DTNBP1: variants seen among roughly 807,000 people sequenced by gnomAD.
DTNBP1 encodes the protein dystrobrevin binding protein 1, also known as dysbindin.
DTNBP1 carries 35 observed loss-of-function variants against 42.8 expected under a neutral mutation model. That is an observed-to-expected ratio of 0.82 (90% CI 0.63 to 1.09). The LOEUF is 1.09. DTNBP1 is among the 50% of genes least tolerant of loss of function. The pLI, the probability that DTNBP1 is intolerant of heterozygous loss-of-function variation, is 0.00. For missense variants in DTNBP1, 457 were observed against 424.2 expected (o/e 1.08, Z -0.68); for synonymous variants, 171 against 162.2 (o/e 1.05, Z -0.41).
chr6:15,556,121 GGGTTAAAATGCCCAATTTAGCA>G (rs1774503487), intron 7 of DTNBP1, among the ~76,000 whole-genome samples: 1 of 152,042 alleles, frequency 6.6e-6, no homozygotes, highest in South Asian at 2.1e-4. Context: ...GTTAATCCCC[GGGTTAAAATGCCCAATTTAGCA>G]GGGTTAGAGT....
At chr6:15,612,065 A>T (rs1030394057) in intron 6 of DTNBP1, among the ~76,000 whole-genome samples, 1 of 152,252 alleles carries the variant, frequency 6.6e-6, no homozygotes, top group African/African-American at 2.4e-5. Flanking sequence ...AAATCTTTCC[A>T]GGAAGAAAGA....
intron 6 of DTNBP1, among the ~76,000 whole-genome samples, chr6:15,612,476 T>C (rs907657785): frequency 4.6e-5 from 7 of 152,264 alleles, no homozygotes; most frequent in African/African-American, 1.7e-4. Context: ...CATATCTTGA[T>C]AGAAAAATCA....
chr6:15,582,630 G>A (rs1220008917), intron 7 of DTNBP1, among the ~76,000 whole-genome samples: 1 of 152,004 alleles, frequency 6.6e-6, no homozygotes, highest in Non-Finnish European at 1.5e-5. Context: ...CAATTACTAC[G>A]ATAATTCTTA....
chr6:15,576,144 A>G (rs1376194072), intron 7 of DTNBP1, among the ~76,000 whole-genome samples: 1 of 151,044 alleles, frequency 6.6e-6, no homozygotes, highest in Non-Finnish European at 1.5e-5. Context: ...TTTGAGACAG[A>G]GTCTTGCTCT....
At chr6:15,613,141 C>T (rs1293594081) in intron 6 of DTNBP1, among the ~76,000 whole-genome samples, 1 of 151,756 alleles carries the variant, frequency 6.6e-6, no homozygotes, top group Non-Finnish European at 1.5e-5. Context: ...AACTCCATCT[C>T]TACTAAAAAT....
chr6:15,548,068 G>A (rs187329453), intron 7 of DTNBP1, among the ~76,000 whole-genome samples: 1 of 152,178 alleles, frequency 6.6e-6, no homozygotes. Flanking sequence ...TCTATTAATC[G>A]AAACTCTCAG....
At chr6:15,637,640 A>G in intron 4 of DTNBP1, 104 bp downstream of exon 4, 1 of 1,293,716 alleles carries the variant, frequency 7.7e-7, no homozygotes, top group Non-Finnish European at 1.1e-6. Context: ...GATATCCTGC[A>G]AAACATTTTG....
chr6:15,578,332 A>G (rs1775672751), intron 7 of DTNBP1, among the ~76,000 whole-genome samples: 1 of 152,236 alleles, frequency 6.6e-6, no homozygotes, highest in South Asian at 2.1e-4. Flanking sequence ...GTTTGAGAAA[A>G]GAGCATTCTC....
chr6:15,644,084 G>A (rs1330081704), intron 3 of DTNBP1, among the ~76,000 whole-genome samples: 2 of 151,732 alleles, frequency 1.3e-5, no homozygotes, highest in Non-Finnish European at 2.9e-5. Flanking sequence ...ATAAAGGGAT[G>A]GAGAAAGATC....
intron 7 of DTNBP1, among the ~76,000 whole-genome samples, chr6:15,582,519 T>C (rs1775884990): frequency 6.6e-6 from 1 of 152,192 alleles, no homozygotes. Flanking sequence ...GAATTATACT[T>C]ATATACCTAT....
At chr6:15,622,370 A>G (rs1333584747) in intron 5 of DTNBP1, among the ~76,000 whole-genome samples, 3 of 152,188 alleles carry the variant, frequency 2.0e-5, no homozygotes, top group Admixed American at 6.5e-5. Context: ...AATTGCATTG[A>G]AAAAAATAAA....
intron 1 of DTNBP1, 139 bp from the exon 2 acceptor site, chr6:15,652,279 A>C (rs1226215338): frequency 6.7e-6 from 4 of 596,464 alleles, no homozygotes; most frequent in Non-Finnish European, 1.1e-5. Context: ...TCCTGGGCCC[A>C]AGTGATCCTC....
intron 1 of DTNBP1, among the ~76,000 whole-genome samples, chr6:15,653,894 C>G (rs1202686517): frequency 7.0e-6 from 1 of 143,672 alleles, no homozygotes; most frequent in Non-Finnish European, 1.5e-5. Flanking sequence ...TTGACTCTTG[C>G]ATGAATGCCT....
chr6:15,572,951 C>CT (rs1288224886), intron 7 of DTNBP1, among the ~76,000 whole-genome samples: 12 of 152,326 alleles, frequency 7.9e-5, no homozygotes, highest in African/African-American at 2.6e-4. Context: ...AGGCTGGTCT[C>CT]TAACTCCTAG....
At chr6:15,661,438 T>A (rs543149565) in intron 1 of DTNBP1, among the ~76,000 whole-genome samples, 1 of 151,840 alleles carries the variant, frequency 6.6e-6, no homozygotes, top group East Asian at 1.9e-4. Context: ...GGCGGGAGGA[T>A]CACAAGGTCA....
chr6:15,543,398 G>A (rs1206472325), intron 7 of DTNBP1, among the ~76,000 whole-genome samples: 7 of 152,122 alleles, frequency 4.6e-5, no homozygotes, highest in Non-Finnish European at 7.3e-5. Context: ...TCACACATGC[G>A]CTGTGCGTGC....
Position 15,523,223 on chromosome 6 carries a change from C to CA in DTNBP1, c.812-5dup. Reference sequence around the variant, plus strand: ...TGACAGGTACTGGATTCAGGCCCTGCAAAATAACGTAGGGAAGAAAAAGCC... The same window carrying CA: ...TGACAGGTACTGGATTCAGGCCCTGCAAAAATAACGTAGGGAAGAAAAAGCC... On this transcript the variant is annotated splice_region_variant and splice_polypyrimidine_tract_variant and intron_variant, in intron 9 of 9. Coordinates refer to ENST00000344537, the MANE Select transcript of DTNBP1 (RefSeq NM_032122.5). 2 of 1,613,988 alleles carry CA rather than the reference C, an allele frequency of 1.2e-6. No homozygotes were observed. Among genetic ancestry groups the CA allele is most frequent in the Non-Finnish European group, 1.7e-6 (2 of 1,179,968 alleles).
At chr6:15,656,739 C>A (rs992014342) in intron 1 of DTNBP1, among the ~76,000 whole-genome samples, 10 of 151,978 alleles carry the variant, frequency 6.6e-5, no homozygotes, top group Admixed American at 2.6e-4. Context: ...CAGAGTGAGA[C>A]CCTGTCTCAG....
At position 15,662,936 on chromosome 6, in the gene DTNBP1, C is replaced by T. The variant is rs960663106; in HGVS notation, c.-67G>A. The T allele has an allele frequency of 1.4e-5, 22 of 1,593,606 alleles. No individual in the cohort carries two copies. In the African/African-American group the frequency reaches 2.7e-4, roughly 19 times the overall value. On this transcript the variant is annotated 5_prime_UTR_variant, in exon 1 of 10. Transcript: ENST00000344537. ...TGCTGCCTCTGTCGCCCCCTGGGTC[C>T]CACGCCGCCAACCCCGCGCTGTCAC...
Sources: allele counts gnomAD v4.1 joint callset (sites outside exome capture counted in the v4.1 genomes callset), GRCh38; gene constraint gnomAD v4.1.1; transcripts MANE v1.5; gene names NCBI Gene and HGNC (gene_info 2026-07-23, HGNC 2026-07-21).